Variants in STK31 observed in about 807,000 individuals in gnomAD.
The protein encoded by STK31 is serine/threonine-protein kinase 31.
In STK31, 89 loss-of-function variants were observed where a neutral mutation model predicts 129.7. The ratio of observed to expected loss-of-function variants is 0.69; its 90% confidence interval spans 0.58 to 0.82. The LOEUF (loss-of-function observed/expected upper bound fraction) is 0.82, where lower values mean the gene tolerates loss of function less well. STK31 is among the 40% of genes least tolerant of loss of function. The pLI is 0.00. For missense variants in STK31, 1,187 were observed against 1,176.4 expected (o/e 1.01, Z -0.13); for synonymous variants, 448 against 395.3 (o/e 1.13, Z -1.58).
At chr7:23,716,408 A>G (rs1013047114) in intron 3 of STK31, among the ~76,000 whole-genome samples, 2 of 152,140 alleles carry the variant, frequency 1.3e-5, no homozygotes, top group African/African-American at 4.8e-5. Context: ...TTTTCGCTGT[A>G]AAGTTACTCT....
At chr7:23,763,036 C>G in intron 11 of STK31, 113 bp downstream of exon 11, 1 of 912,802 alleles carries the variant, frequency 1.1e-6, no homozygotes, top group Non-Finnish European at 1.5e-6. Flanking sequence ...AAAAGTTTTT[C>G]CTGTTTCCTG....
chr7:23,739,372 AG>A (rs1277503738), intron 8 of STK31, among the ~76,000 whole-genome samples: 1 of 152,166 alleles, frequency 6.6e-6, no homozygotes, highest in Non-Finnish European at 1.5e-5. Context: ...TCTGGATATT[AG>A]CCCTTTGTCA....
intron 10 of STK31, among the ~76,000 whole-genome samples, chr7:23,754,773 G>A (rs1215063358): frequency 6.6e-6 from 1 of 152,118 alleles, no homozygotes; most frequent in Non-Finnish European, 1.5e-5. Context: ...TCTTGTGTTA[G>A]TTTGCCGAAG....
chr7:23,816,528 G>A (rs991196379), intron 23 of STK31, among the ~76,000 whole-genome samples: 1 of 152,182 alleles, frequency 6.6e-6, no homozygotes, highest in African/African-American at 2.4e-5. Context: ...CTTAAAGCTC[G>A]ATTGGAGATG....
At chr7:23,820,272 A>C (rs1436820539) in intron 23 of STK31, among the ~76,000 whole-genome samples, 1 of 152,196 alleles carries the variant, frequency 6.6e-6, no homozygotes, top group Non-Finnish European at 1.5e-5. Flanking sequence ...AGTGGAACCT[A>C]TGCATATGAA....
intron 22 of STK31, among the ~76,000 whole-genome samples, chr7:23,799,476 C>T (rs928210220): frequency 4.6e-5 from 7 of 152,084 alleles, no homozygotes; most frequent in African/African-American, 1.7e-4. Context: ...ACAAACCTGA[C>T]AGAAGCAAGC....
In STK31 at chr7:23,712,089, A is replaced by G. The variant is rs1435407047; in HGVS notation, c.51-10A>G. 9 of 1,591,712 alleles carry G rather than the reference A, an allele frequency of 5.7e-6. No individual in the cohort carries two copies. Among genetic ancestry groups the G allele is most frequent in the Non-Finnish European group, 6.9e-6 (8 of 1,160,566 alleles). ...GGATTATTGTAATCTAATTTAAGGT[A>G]TTGTTCTAGTTTTTCAGGAATTGTT... On this transcript the variant is annotated splice_polypyrimidine_tract_variant and intron_variant, in intron 1 of 23. Transcript: ENST00000355870.
Position 23,729,176 on chromosome 7 carries a change from C to G in STK31, c.410C>G (p.Ser137Cys), listed in dbSNP as rs1562553573. 1.2e-6 allele frequency: 2 copies of G among 1,611,898 alleles called. No homozygotes were observed. Among genetic ancestry groups the G allele is most frequent in the East Asian group, 4.5e-5 (2 of 44,726 alleles). Residue 137 changes from serine (S) to cysteine (C), a missense_variant, in exon 6 of 24, where the codon TCT becomes TGT. Ser to Cys is a moderately radical substitution (Grantham distance 112). Transcript: ENST00000355870. ...GAAATTCCTTTGGAGCTGCAGTTTT[C>G]TAGTGTTGCCAAAAAGTATAAACTT... ...IVEIPLELQF[S>C]SVAKKYKLWG...
intron 23 of STK31, among the ~76,000 whole-genome samples, chr7:23,816,993 C>G (rs1793505621): frequency 6.6e-6 from 1 of 152,104 alleles, no homozygotes; most frequent in South Asian, 2.1e-4. Flanking sequence ...CAGGACCAGC[C>G]TGCCCAACAT....
intron 4 of STK31, among the ~76,000 whole-genome samples, chr7:23,719,670 C>T (rs1386380621): frequency 1.3e-5 from 2 of 152,196 alleles, no homozygotes. Flanking sequence ...TTCTACCACC[C>T]CACCCACTGG....
intron 7 of STK31, among the ~76,000 whole-genome samples, chr7:23,736,558 CAG>C (rs1227476179): frequency 4.7e-5 from 2 of 42,380 alleles, no homozygotes; most frequent in East Asian, 5.1e-4. Context: ...GGGGGGATCA[CAG>C]GGGATCACAG....
intron 11 of STK31, among the ~76,000 whole-genome samples, chr7:23,764,647 G>A (rs957644070): frequency 6.6e-6 from 1 of 151,928 alleles, no homozygotes; most frequent in African/African-American, 2.4e-5. Context: ...AACTTGCTTA[G>A]GTTTTGGTTG....
At chr7:23,772,600 C>T (rs1236577963) in intron 15 of STK31, among the ~76,000 whole-genome samples, 1 of 152,158 alleles carries the variant, frequency 6.6e-6, no homozygotes, top group Non-Finnish European at 1.5e-5. Flanking sequence ...GTAATACCAA[C>T]TTGCTACATG....
intron 23 of STK31, among the ~76,000 whole-genome samples, chr7:23,820,803 C>T (rs1264082530): frequency 1.3e-5 from 2 of 152,218 alleles, no homozygotes; most frequent in Non-Finnish European, 2.9e-5. Context: ...GCTTATTTCA[C>T]TTTACAGAAT....
intron 18 of STK31, 54 bp downstream of exon 18, chr7:23,785,657 G>A: frequency 6.5e-7 from 1 of 1,547,602 alleles, no homozygotes; most frequent in South Asian, 1.2e-5. Context: ...AAGGATAGTG[G>A]TGCTGTTACA....
intron 15 of STK31, among the ~76,000 whole-genome samples, chr7:23,773,936 C>T (rs188897565): frequency 6.6e-6 from 1 of 151,190 alleles, no homozygotes; most frequent in South Asian, 2.1e-4. Flanking sequence ...CCTGCCACCC[C>T]CCACCCCACA....
At chr7:23,750,607 G>T (rs975558259) in intron 8 of STK31, among the ~76,000 whole-genome samples, 2 of 152,090 alleles carry the variant, frequency 1.3e-5, no homozygotes, top group Admixed American at 6.6e-5. Context: ...CACAAATTTT[G>T]ATATGTTTTG....
chr7:23,824,810 G>A (rs894097332), intron 23 of STK31, among the ~76,000 whole-genome samples: 4 of 151,220 alleles, frequency 2.6e-5, no homozygotes, highest in South Asian at 2.1e-4. Context: ...AGCATGAAGC[G>A]TTGTTGAATT....
At chr7:23,727,908 G>A (rs1338729387) in intron 5 of STK31, among the ~76,000 whole-genome samples, 1 of 151,884 alleles carries the variant, frequency 6.6e-6, no homozygotes. Context: ...ACTTTTAAAT[G>A]TTCATTTTAT....
Sources: allele counts gnomAD v4.1 joint callset (sites outside exome capture counted in the v4.1 genomes callset), GRCh38; gene constraint gnomAD v4.1.1; transcripts MANE v1.5; gene names NCBI Gene and HGNC (gene_info 2026-07-23, HGNC 2026-07-21).